The following HEPHL1 variants were observed in gnomAD, a reference collection of about 807,000 sequenced individuals.
The protein encoded by HEPHL1 is hephaestin like 1.
HEPHL1 carries 123 observed loss-of-function variants against 122.0 expected under a neutral mutation model. That is an observed-to-expected ratio of 1.01 (90% CI 0.87 to 1.17). The LOEUF is 1.17. Among genes scored for constraint, HEPHL1 ranks in the 50% most tolerant of loss-of-function variants. The probability of loss-of-function intolerance (pLI) is 0.00; values close to 1 mark genes in which losing one functional copy is unlikely to be tolerated. For missense variants in HEPHL1, 1,452 were observed against 1,430.5 expected (o/e 1.01, Z -0.24); for synonymous variants, 527 against 508.9 (o/e 1.04, Z -0.48).
chr11:94,106,620 A>G lies in HEPHL1; in HGVS notation c.3045+490A>G, dbSNP rs181982619. On this transcript the variant is annotated intron_variant, in intron 17 of 19. Transcript: ENST00000315765. Reference sequence around the variant, plus strand: ...TGGCTATTTCTTAATATGTATATGTATATTATTGTGCTTATAAAAATCTCT... The same window carrying G: ...TGGCTATTTCTTAATATGTATATGTGTATTATTGTGCTTATAAAAATCTCT... Among the ~76,000 whole-genome samples the G allele has an allele frequency of 4.9e-3, 739 of 152,150 alleles. 5 individuals are homozygous for G. The highest frequency in any genetic ancestry group is 1.0e-2 in the South Asian group (48 of 4,822).
intron 13 of HEPHL1, among the ~76,000 whole-genome samples, chr11:94,094,013 T>TATATATATATATATATATATAA (rs1485344204): frequency 2.5e-5 from 3 of 121,696 alleles, no homozygotes; most frequent in Admixed American, 1.6e-4. Context: ...TATATATATA[T>TATATATATATATATATATATAA]AAAACTTTAA....
rs931339672 is a variant in HEPHL1 at position 94,088,961 on chromosome 11, G to C, written c.2287G>C (p.Gly763Arg). 1.2e-6 allele frequency: 2 copies of C among 1,613,840 alleles called. No homozygotes were observed. The highest frequency in any genetic ancestry group is 2.7e-5 in the African/African-American group (2 of 74,926). Residue 763 changes from glycine to arginine, a missense_variant, in exon 12 of 20, where the codon GGG (glycine) becomes CGG (arginine). Transcript: ENST00000315765. ...EFEKQHVDAR[G>R]ERHGDIFMNR... ...CGAAAAGCAGCACGTGGACGCAAGA[G>C]GGGAAAGGTACCACAGGCGCCGCCG...
chr11:94,058,835 A>G (rs963299577), intron 2 of HEPHL1, among the ~76,000 whole-genome samples: 1 of 152,106 alleles, frequency 6.6e-6, no homozygotes, highest in East Asian at 1.9e-4. Context: ...CAAAGTGCTC[A>G]TATTACAAGT....
intron 11 of HEPHL1, among the ~76,000 whole-genome samples, chr11:94,087,402 T>C (rs1946226718): frequency 6.6e-6 from 1 of 152,188 alleles, no homozygotes; most frequent in Admixed American, 6.5e-5. Context: ...GTTTTCCAGT[T>C]TATGTTTGGT....
In HEPHL1 at chr11:94,105,587, G is replaced by A. The variant is rs535283193; in HGVS notation, c.2906-404G>A. 7.2e-5 allele frequency among the ~76,000 whole-genome samples: 11 copies of A among 152,276 alleles called. No individual in the cohort carries two copies. In the South Asian group the frequency reaches 2.3e-3, roughly 32 times the overall value. ...GCCAGGCTTAAACTATTCTCAACAA[G>A]TGAAATATTAAGAAAATACCTTCTA... On this transcript the variant is annotated intron_variant, in intron 16 of 19. Coordinates refer to ENST00000315765, the MANE Select transcript of HEPHL1 (RefSeq NM_001098672.2).
Position 94,111,468 on chromosome 11 carries a change from A to G in HEPHL1, c.3209-69A>G. On this transcript the variant is annotated intron_variant, in intron 18 of 19. Transcript: ENST00000315765. Reference sequence around the variant, plus strand: ...GATAAGTCCTCGCTGGTGAAATGAAATGACTAGTGTCATGAAAAGAATCCC... The same window carrying G: ...GATAAGTCCTCGCTGGTGAAATGAAGTGACTAGTGTCATGAAAAGAATCCC... 3 of 1,214,768 alleles carry G rather than the reference A, an allele frequency of 2.5e-6. No homozygotes were observed. The East Asian group carries it at 7.6e-5, about 31-fold the overall frequency. 75.2% of individuals were successfully genotyped at this position (1,214,768 alleles called of 1,614,324 possible).
intron 1 of HEPHL1, among the ~76,000 whole-genome samples, chr11:94,041,092 G>T (rs1186236752): frequency 2.1e-5 from 3 of 141,052 alleles, no homozygotes; most frequent in East Asian, 4.1e-4. Flanking sequence ...GACAAACAGA[G>T]AGCCAAATCA....
rs766285196 is a variant in HEPHL1, at chr11:94,045,891, G to A, written c.389G>A (p.Gly130Asp). The A allele has an allele frequency of 6.2e-7, 1 of 1,613,760 alleles. No individual in the cohort carries two copies. The highest frequency in any genetic ancestry group is 1.7e-5 in the Admixed American group (1 of 59,984). Residue 130 changes from glycine to aspartate, a missense_variant, in exon 2 of 20, where the codon GGC (glycine) becomes GAC (aspartate). Coordinates refer to ENST00000315765, the MANE Select transcript of HEPHL1 (RefSeq NM_001098672.2). ...ASRPYSLHPH[G>D]VFYNKDSEGA... ...CGACCTTACTCTCTGCATCCACATG[G>A]CGTTTTCTACAACAAAGATTCAGAA... is the stretch of plus-strand genomic sequence containing the variant.
intron 1 of HEPHL1, among the ~76,000 whole-genome samples, chr11:94,042,886 A>AAAAAAAAAAC (rs1454089883): frequency 3.4e-5 from 5 of 149,116 alleles, no homozygotes; most frequent in African/African-American, 1.2e-4. Flanking sequence ...AAAAAAAAAA[A>AAAAAAAAAAC]AAAAAAACTG....
chr11:94,067,424 G>C, intron 4 of HEPHL1, 72 bp from the exon 5 acceptor site: 2 of 1,485,578 alleles, frequency 1.3e-6, no homozygotes, highest in South Asian at 1.2e-5. Flanking sequence ...GCTTAAGCCC[G>C]TATTACCAAC....
chr11:94,092,940 A>T (rs1178018712), intron 12 of HEPHL1, among the ~76,000 whole-genome samples: 1 of 152,182 alleles, frequency 6.6e-6, no homozygotes, highest in Non-Finnish European at 1.5e-5. Flanking sequence ...TAGGGTGAAT[A>T]ACAAGTATCA....
At chr11:94,054,578 GA>G (rs1945919567) in intron 2 of HEPHL1, among the ~76,000 whole-genome samples, 1 of 152,224 alleles carries the variant, frequency 6.6e-6, no homozygotes. Flanking sequence ...GAACTGCTGG[GA>G]AAATTGAGGC....
intron 1 of HEPHL1, among the ~76,000 whole-genome samples, chr11:94,027,361 A>G (rs1945634360): frequency 6.6e-6 from 1 of 152,184 alleles, no homozygotes; most frequent in Non-Finnish European, 1.5e-5. Context: ...TAGGATCTGC[A>G]CATACTCAGA....
intron 1 of HEPHL1, among the ~76,000 whole-genome samples, chr11:94,026,494 A>G (rs992502159): frequency 6.6e-6 from 1 of 152,102 alleles, no homozygotes; most frequent in African/African-American, 2.4e-5. Context: ...TCCATGATTC[A>G]CAGGCATCCT....
At position 94,094,013 on chromosome 11, in the gene HEPHL1, T is replaced by A. The variant is rs201352931; in HGVS notation, c.2434+373T>A. Among the ~76,000 whole-genome samples, 535 of 121,570 alleles carry A rather than the reference T, an allele frequency of 4.4e-3. 12 individuals carry two copies. In the East Asian group the frequency reaches 0.053, roughly 12 times the overall value. 79.8% of individuals were successfully genotyped at this position (121,570 alleles called of 152,430 possible). Reference sequence around the variant, plus strand: ...ATATATATATATATATATATATATATAAAACTTTAAGTTCTAGGGTACATG... The same window carrying A: ...ATATATATATATATATATATATATAAAAAACTTTAAGTTCTAGGGTACATG... On this transcript the variant is annotated intron_variant, in intron 13 of 19. Coordinates refer to ENST00000315765, the MANE Select transcript of HEPHL1 (RefSeq NM_001098672.2).
chr11:94,089,860 G>A (rs1946251290), intron 12 of HEPHL1, among the ~76,000 whole-genome samples: 2 of 152,072 alleles, frequency 1.3e-5, no homozygotes, highest in East Asian at 1.9e-4. Flanking sequence ...ATAAATCCAC[G>A]TTCTCTCCGG....
At chr11:94,074,662 A>C (rs770321941) in intron 8 of HEPHL1, among the ~76,000 whole-genome samples, 2 of 152,128 alleles carry the variant, frequency 1.3e-5, no homozygotes, top group Non-Finnish European at 2.9e-5. Context: ...ACAAAAACTG[A>C]GTTTGAATCC....
intron 10 of HEPHL1, 38 bp from the exon 11 acceptor site, chr11:94,085,939 C>G (rs1372373755): frequency 6.8e-7 from 1 of 1,475,706 alleles, no homozygotes; most frequent in East Asian, 2.3e-5. Context: ...GCCCCATACA[C>G]ACTGATAATT....
rs753636775 is a variant in HEPHL1 at position 94,045,892 on chromosome 11, C to T, written c.390C>T (p.Gly130=). Residue 130 remains glycine (G), a synonymous_variant, in exon 2 of 20, where the codon GGC becomes GGT. Transcript: ENST00000315765. ...GACCTTACTCTCTGCATCCACATGG[C>T]GTTTTCTACAACAAAGATTCAGAAG... ...ASRPYSLHPH[G]VFYNKDSEGA... 9.9e-6 allele frequency: 16 copies of T among 1,613,592 alleles called. No homozygotes were observed. Among genetic ancestry groups the T allele is most frequent in the East Asian group, 6.7e-5 (3 of 44,878 alleles).
Sources: gnomAD v4.1 joint callset for allele counts (sites outside exome capture counted in the v4.1 genomes callset) on GRCh38, gnomAD v4.1.1 for gene constraint, MANE v1.5 for transcripts, NCBI Gene and HGNC (gene_info 2026-07-23, HGNC 2026-07-21) for gene names.